Variants in PAH observed in about 807,000 individuals in gnomAD.
The protein encoded by PAH is phenylalanine-4-hydroxylase.
PAH carries 64 observed loss-of-function variants against 62.0 expected under a neutral mutation model. The ratio of observed to expected loss-of-function variants is 1.03; its 90% CI spans 0.84 to 1.27. The LOEUF (loss-of-function observed/expected upper bound fraction) is 1.27. PAH is among the 50% of genes most tolerant of loss of function. The pLI, the probability that PAH is intolerant of heterozygous loss-of-function variation, is 0.00. For synonymous variants in PAH, 195 were observed against 196.2 expected, an observed-to-expected ratio of 0.99 and a Z score of 0.05; for missense variants, 579 against 542.8, an observed-to-expected ratio of 1.07 and a Z score of -0.66.
intron 4 of PAH, among the ~76,000 whole-genome samples, chr12:102,874,984 G>A (rs953114815): frequency 2.0e-5 from 3 of 152,136 alleles, no homozygotes; most frequent in African/African-American, 7.2e-5. Context: ...AAGAACACCC[G>A]CTGACTGCAC....
intron 6 of PAH, among the ~76,000 whole-genome samples, chr12:102,853,645 C>G (rs1875279948): frequency 1.3e-5 from 2 of 152,192 alleles, no homozygotes; most frequent in Admixed American, 6.5e-5. Context: ...ATATCTATAT[C>G]ACATTCTCTA....
exon 1 of PAH, chr12:102,958,317 C>T: frequency 1.4e-6 from 2 of 1,476,458 alleles, no homozygotes; most frequent in Non-Finnish European, 1.8e-6. Context: ...GCAGCCCTTC[C>T]TGCCGCCCGC....
At chr12:102,926,250 G>T (rs1878679224) in intron 1 of PAH, among the ~76,000 whole-genome samples, 1 of 152,068 alleles carries the variant, frequency 6.6e-6, no homozygotes, top group Non-Finnish European at 1.5e-5. Context: ...GCTGAGGGAA[G>T]ATCTATTCAA....
chr12:102,871,938 AAAAAAAAAAAAATATATATATATAT>A (rs1215143213), intron 4 of PAH, among the ~76,000 whole-genome samples: 645 of 49,786 alleles, frequency 0.013, 2 homozygotes, highest in African/African-American at 0.063. Context: ...AAAAAAAAAA[AAAAAAAAAAAAATATATATATATAT>A]ATATATATAT....
intron 3 of PAH, among the ~76,000 whole-genome samples, chr12:102,882,758 C>G (rs1876875693): frequency 6.7e-6 from 1 of 150,224 alleles, no homozygotes; most frequent in African/African-American, 2.4e-5. Flanking sequence ...AAAGTCTCTA[C>G]CACTTATTTC....
At position 102,838,901 on chromosome 12, in the gene PAH, G is replaced by GGGA; in HGVS notation, c.*273_*274insTCC. On this transcript the variant is annotated 3_prime_UTR_variant, in exon 13 of 13. Coordinates refer to ENST00000553106, the MANE Select transcript of PAH (RefSeq NM_000277.3). ...AAATTTTAATTAATCTTGATGAAATGCGACAGATTACTGATTTAACTCAAT... is the reference window on the plus strand; with the variant it reads ...AAATTTTAATTAATCTTGATGAAATGGGACGACAGATTACTGATTTAACTCAAT... The GGGA allele has an allele frequency of 6.1e-6, 3 of 492,318 alleles. No individual in the cohort carries two copies. Among genetic ancestry groups the GGGA allele is most frequent in the Non-Finnish European group, 1.1e-5 (3 of 274,552 alleles). 30.5% of individuals were successfully genotyped at this position (492,318 alleles called of 1,614,324 possible). A position where few individuals can be genotyped will look rare whatever the true frequency, so the allele number is the denominator to read the frequency against.
intron 1 of PAH, among the ~76,000 whole-genome samples, chr12:102,949,475 C>G (rs35103648): frequency 6.6e-6 from 1 of 152,100 alleles, no homozygotes; most frequent in African/African-American, 2.4e-5. Context: ...TCTTACTCAA[C>G]CCTCTCATTT....
chr12:102,949,347 G>A (rs992010353), intron 1 of PAH, among the ~76,000 whole-genome samples: 5 of 152,196 alleles, frequency 3.3e-5, no homozygotes, highest in African/African-American at 1.2e-4. Context: ...TGGCAGGAGG[G>A]CAGTGGGAGA....
chr12:102,840,624 C>A, intron 11 of PAH, 109 bp from the exon 12 acceptor site: 2 of 783,478 alleles, frequency 2.6e-6, no homozygotes, highest in Admixed American at 3.8e-5. Flanking sequence ...GGACACCTCC[C>A]TAGAGCAGGG....
chr12:102,882,876 A>G (rs980884810), intron 3 of PAH, among the ~76,000 whole-genome samples: 1 of 152,032 alleles, frequency 6.6e-6, no homozygotes, highest in Non-Finnish European at 1.5e-5. Context: ...TGCTGCAGCA[A>G]TATGACACAT....
intron 2 of PAH, among the ~76,000 whole-genome samples, chr12:102,900,397 T>G (rs1877704902): frequency 1.3e-5 from 2 of 152,144 alleles, no homozygotes; most frequent in African/African-American, 4.8e-5. Context: ...GTTAAATGGT[T>G]ATAATGATAA....
intron 6 of PAH, 94 bp from the exon 7 acceptor site, chr12:102,853,044 G>T (rs1875254445): frequency 2.9e-6 from 4 of 1,357,856 alleles, no homozygotes; most frequent in African/African-American, 1.4e-5. Flanking sequence ...ACACATAACT[G>T]CCCAGGGACA....
At chr12:102,948,568 T>C (rs1422515895) in intron 1 of PAH, among the ~76,000 whole-genome samples, 1 of 152,218 alleles carries the variant, frequency 6.6e-6, no homozygotes, top group South Asian at 2.1e-4. Context: ...AGGCCATCTT[T>C]GTAATAACTT....
At chr12:102,870,004 G>A (rs1876227601) in intron 4 of PAH, among the ~76,000 whole-genome samples, 1 of 152,160 alleles carries the variant, frequency 6.6e-6, no homozygotes, top group African/African-American at 2.4e-5. Context: ...AGTATGTTTT[G>A]ACAGGAAAAT....
chr12:102,943,213 A>C (rs1565883174), intron 1 of PAH, among the ~76,000 whole-genome samples: 1 of 152,196 alleles, frequency 6.6e-6, no homozygotes, highest in Non-Finnish European at 1.5e-5. Context: ...TGAGGAACTT[A>C]AACTAATAAA....
intron 1 of PAH, chr12:102,923,717 T>C (rs1298273335): frequency 6.6e-6 from 1 of 152,234 alleles, no homozygotes; most frequent in Admixed American, 6.5e-5. Flanking sequence ...CTAAGATGTC[T>C]AAATTCTGAT....
intron 1 of PAH, among the ~76,000 whole-genome samples, chr12:102,949,293 G>A (rs1410504752): frequency 5.3e-5 from 8 of 152,160 alleles, no homozygotes; most frequent in Admixed American, 5.2e-4. Flanking sequence ...CACCAGCAAG[G>A]ACTGGTCTCA....
At chr12:102,910,984 G>C (rs923281316) in intron 2 of PAH, among the ~76,000 whole-genome samples, 1 of 152,164 alleles carries the variant, frequency 6.6e-6, no homozygotes, top group Admixed American at 6.5e-5. Context: ...GATTTGGTGG[G>C]TGATTTGGCT....
intron 3 of PAH, among the ~76,000 whole-genome samples, chr12:102,886,492 C>A (rs1877049739): frequency 6.6e-6 from 1 of 152,104 alleles, no homozygotes; most frequent in African/African-American, 2.4e-5. Flanking sequence ...AGGTTGGCCC[C>A]CATATCCCCA....
Sources: allele counts gnomAD v4.1 joint callset (sites outside exome capture counted in the v4.1 genomes callset), GRCh38; gene constraint gnomAD v4.1.1; transcripts MANE v1.5; gene names NCBI Gene and HGNC (gene_info 2026-07-23, HGNC 2026-07-21).